RUFY2: variants seen among roughly 807,000 people sequenced by gnomAD.
The protein encoded by RUFY2 is RUN and FYVE domain containing 2.
Under a neutral mutation model 94.4 loss-of-function variants are expected in RUFY2, and 49 were observed. The observed-to-expected ratio is 0.52, with a 90% CI of 0.41 to 0.66. The LOEUF is 0.66. RUFY2 is among the 30% of genes least tolerant of loss of function. The pLI, the probability that RUFY2 is intolerant of heterozygous loss-of-function variation, is 0.00. For synonymous variants in RUFY2, 255 were observed against 235.7 expected, an observed-to-expected ratio of 1.08 and a Z score of -0.75; for missense variants, 541 against 692.8, an observed-to-expected ratio of 0.78 and a Z score of 2.46.
chr10:68,342,971 C>T (rs2046052880), downstream of RUFY2: 1 of 152,134 alleles, frequency 6.6e-6, no homozygotes, highest in Non-Finnish European at 1.5e-5. Context: ...AACAATCCTG[C>T]AGTTGGGTTT....
intron 15 of RUFY2, among the ~76,000 whole-genome samples, chr10:68,359,221 A>C (rs1422349378): frequency 6.6e-6 from 1 of 151,768 alleles, no homozygotes; most frequent in African/African-American, 2.4e-5. Flanking sequence ...TCTACTAAAA[A>C]TACAAAATTA....
intron 15 of RUFY2, chr10:68,355,810 A>C (rs2047010742): frequency 6.5e-6 from 1 of 153,656 alleles, no homozygotes; most frequent in Non-Finnish European, 1.4e-5. Flanking sequence ...GCTACTCGGG[A>C]GGCTGAGGCA....
intron 13 of RUFY2, 66 bp downstream of exon 13, chr10:68,376,770 ATATTGGTATTCTATCAT>A: frequency 7.6e-7 from 1 of 1,317,750 alleles, no homozygotes; most frequent in Non-Finnish European, 1.1e-6. Context: ...ATAAATAAAA[ATATTGGTATTCTATCAT>A]TATGTGCAAA....
intron 11 of RUFY2, among the ~76,000 whole-genome samples, chr10:68,381,010 ATACTCT>A (rs2049023618): frequency 6.6e-6 from 1 of 152,218 alleles, no homozygotes; most frequent in South Asian, 2.1e-4. Context: ...TTTAATCTTC[ATACTCT>A]TAATCTTTCA....
intron 13 of RUFY2, among the ~76,000 whole-genome samples, chr10:68,375,270 A>G (rs1333842989): frequency 2.8e-5 from 4 of 144,536 alleles, no homozygotes; most frequent in Non-Finnish European, 1.5e-5. Flanking sequence ...ATAAGAACTT[A>G]CGAACACAGA....
At position 68,407,231 on chromosome 10, in the gene RUFY2, C is replaced by T. The variant is rs923887094; in HGVS notation, c.-42G>A. Reference sequence around the variant, plus strand: ...CGGTCTCGGGCGGAGGCTCCCTCGGCCTGTCCAGCAGCTCCTTCCAGGCGC... The same window carrying T: ...CGGTCTCGGGCGGAGGCTCCCTCGGTCTGTCCAGCAGCTCCTTCCAGGCGC... On this transcript the variant is annotated 5_prime_UTR_variant, in exon 1 of 18. Transcript: ENST00000602465. 6.6e-6 allele frequency: 9 copies of T among 1,373,738 alleles called. No homozygotes were observed. In the African/African-American group the frequency reaches 1.2e-4, roughly 19 times the overall value. The allele number at this position is 1,373,738 out of a possible 1,614,324, so 85.1% of individuals were successfully genotyped here. A position where few individuals can be genotyped will look rare whatever the true frequency, so the allele number is the denominator to read the frequency against.
At position 68,378,353 on chromosome 10, in the gene RUFY2, T is replaced by G. The variant is rs527766537; in HGVS notation, c.1205+1071A>C. On this transcript the variant is annotated intron_variant, in intron 12 of 17. Transcript: ENST00000602465. ...GGGTCAATACTCAAATCACCCTTTGTGCACAAGGTTTGAGGAACGTATGTC... is the reference window on the plus strand; with the variant it reads ...GGGTCAATACTCAAATCACCCTTTGGGCACAAGGTTTGAGGAACGTATGTC... The G allele has an allele frequency of 2.0e-4, 250 of 1,225,590 alleles. 1 individual carries two copies. Among genetic ancestry groups the G allele is most frequent in the Admixed American group, 1.1e-3 (26 of 24,196 alleles). 75.9% of individuals were successfully genotyped at this position (1,225,590 alleles called of 1,614,324 possible). A position where few individuals can be genotyped will look rare whatever the true frequency, so the allele number is the denominator to read the frequency against.
intron 10 of RUFY2, among the ~76,000 whole-genome samples, chr10:68,382,669 G>C (rs1379264239): frequency 6.7e-6 from 1 of 149,270 alleles, no homozygotes; most frequent in African/African-American, 2.5e-5. Flanking sequence ...AGCCGAGATG[G>C]CGCCACTGCA....
intron 7 of RUFY2, among the ~76,000 whole-genome samples, chr10:68,392,551 T>C (rs1362719880): frequency 6.6e-6 from 1 of 152,126 alleles, no homozygotes; most frequent in Non-Finnish European, 1.5e-5. Context: ...TACAAACTTT[T>C]ACCTTAGCCT....
downstream of RUFY2, chr10:68,341,563 ACTCT>A (rs1297710870): frequency 6.8e-7 from 1 of 1,479,260 alleles, no homozygotes; most frequent in Non-Finnish European, 9.4e-7. Flanking sequence ...CTCCCCTGTT[ACTCT>A]TTCTTTTTTT....
intron 3 of RUFY2, 141 bp downstream of exon 3, chr10:68,401,479 T>C (rs2050845233): frequency 1.6e-6 from 1 of 612,324 alleles, no homozygotes; most frequent in East Asian, 2.6e-5. Flanking sequence ...CCATAAAGAA[T>C]GAACATAATT....
rs1303968026 is a variant in RUFY2 at position 68,359,325 on chromosome 10, TATAAA to T, written c.1551-3929_1551-3925del. ...ATACATATATACGTATATATACATA[TATAAA>T]ATAAGCCTAAAAGGAAAATATACAT... On this transcript the variant is annotated intron_variant, in intron 15 of 17. Coordinates refer to ENST00000602465, the MANE Select transcript of RUFY2 (RefSeq NM_001330103.2). 1.9e-4 allele frequency among the ~76,000 whole-genome samples: 22 copies of T among 116,578 alleles called. No homozygotes were observed. In the East Asian group the frequency reaches 5.1e-3, roughly 27 times the overall value. 76.5% of individuals were successfully genotyped at this position (116,578 alleles called of 152,430 possible).
At chr10:68,349,347 C>A (rs548079581) in intron 16 of RUFY2, among the ~76,000 whole-genome samples, 1 of 151,978 alleles carries the variant, frequency 6.6e-6, no homozygotes, top group South Asian at 2.1e-4. Context: ...GAGGCCCCCA[C>A]CATCTCTAAA....
At chr10:68,367,195 C>A (rs2047911392) in intron 13 of RUFY2, among the ~76,000 whole-genome samples, 1 of 151,942 alleles carries the variant, frequency 6.6e-6, no homozygotes, top group Non-Finnish European at 1.5e-5. Flanking sequence ...TGCATTACTG[C>A]AGAATATCAG....
rs563865774 is a variant in RUFY2, at chr10:68,343,778, A to G, written c.*1990T>C. ...TAGTTTTTAAATAAGCCAAAACTAC[A>G]TGGAGCAAGTTGCTGTCATAAAAGC... On this transcript the variant is annotated 3_prime_UTR_variant, in exon 18 of 18. Coordinates refer to ENST00000602465, the MANE Select transcript of RUFY2 (RefSeq NM_001330103.2). 1.3e-5 allele frequency: 2 copies of G among 150,452 alleles called. No individual in the cohort carries two copies. Among genetic ancestry groups the G allele is most frequent in the African/African-American group, 2.5e-5 (1 of 40,710 alleles). 9.3% of individuals were successfully genotyped at this position (150,452 alleles called of 1,614,324 possible). A position where few individuals can be genotyped will look rare whatever the true frequency, so the allele number is the denominator to read the frequency against.
intron 16 of RUFY2, among the ~76,000 whole-genome samples, chr10:68,349,949 A>G (rs867121152): frequency 5.6e-4 from 85 of 152,210 alleles, no homozygotes; most frequent in African/African-American, 1.9e-3. Context: ...ATGCCTGCAG[A>G]AAAAATATCC....
downstream of RUFY2, chr10:68,342,071 A>G (rs2046002355): frequency 6.3e-7 from 1 of 1,599,444 alleles, no homozygotes; most frequent in Non-Finnish European, 8.6e-7. Context: ...AAACACCAAC[A>G]TACAAGTCTT....
rs1200091466 is a variant in RUFY2, at chr10:68,394,402, T to C, written c.448A>G (p.Ile150Val). Residue 150 changes from isoleucine to valine, a missense_variant, in exon 5 of 18, where the codon ATT (isoleucine) becomes GTT (valine). This residue lies in a region of RUFY2 where 85 missense variants were observed against 153.4 expected (regional missense o/e 0.55). Transcript: ENST00000602465. ...ALMMEEEGAV[I>V]VGLLVGLNVI... ...TTCAGGCCAACCAGCAGCCCAACAA[T>C]TACTGCTCCTTCTTCTTCCATCATT... 1.2e-6 allele frequency: 2 copies of C among 1,613,710 alleles called. No homozygotes were observed. Among genetic ancestry groups the C allele is most frequent in the Admixed American group, 1.7e-5 (1 of 60,008 alleles).
rs1044876882 is a variant in RUFY2 at position 68,376,928 on chromosome 10, T to C, written c.1250A>G (p.Asp417Gly). The change falls in exon 13 of 18, where the codon GAT (aspartate) becomes GGT (glycine). Residue 417 changes from aspartate (D) to glycine (G), a missense_variant. This residue lies in a region of RUFY2 where 403 missense variants were observed against 480.7 expected (regional missense o/e 0.84). Transcript: ENST00000602465. Reference protein sequence around the residue: ...EKAQMEAEDEDEKYLQECLSK... With the variant: ...EKAQMEAEDEGEKYLQECLSK... ...GAGACATTCTTGTAGATATTTCTCATCCTCATCTTCAGCTTCCATTTGCGC... is the reference window on the plus strand; with the variant it reads ...GAGACATTCTTGTAGATATTTCTCACCCTCATCTTCAGCTTCCATTTGCGC... 2 of 1,613,556 alleles carry C rather than the reference T, an allele frequency of 1.2e-6. No individual in the cohort carries two copies. Among genetic ancestry groups the C allele is most frequent in the African/African-American group, 1.3e-5 (1 of 74,898 alleles).
Sources: gnomAD v4.1 joint callset for allele counts (sites outside exome capture counted in the v4.1 genomes callset) on GRCh38, gnomAD v4.1.1 for gene constraint, gnomAD v4.1.1 regional missense constraint, MANE v1.5 for transcripts, NCBI Gene and HGNC (gene_info 2026-07-23, HGNC 2026-07-21) for gene names.